Variants in NLRP13 observed in about 807,000 individuals in gnomAD.
The protein encoded by NLRP13 is NLR family pyrin domain containing 13, also known as NACHT, LRR and PYD domains-containing protein 13.
NLRP13 carries 82 observed loss-of-function variants against 94.4 expected under a neutral mutation model. The ratio of observed to expected loss-of-function variants is 0.87; its 90% CI spans 0.73 to 1.04. The LOEUF is 1.04. Ranked by LOEUF, NLRP13 falls within the 50% of genes least tolerant of loss-of-function variation. The pLI is 0.00. For synonymous variants in NLRP13, 553 were observed against 464.7 expected, an observed-to-expected ratio of 1.19 and a Z score of -2.45; for missense variants, 1,426 against 1,230.8, an observed-to-expected ratio of 1.16 and a Z score of -2.37.
chr19:55,895,884 G>A (rs1985993092), downstream of NLRP13: 2 of 1,542,340 alleles, frequency 1.3e-6, no homozygotes, highest in Admixed American at 1.9e-5. Context: ...ACATGCTCTA[G>A]AAGCCTAGTC....
At chr19:55,923,889 T>C (rs766194447) in intron 4 of NLRP13, 25 bp downstream of exon 4, 3 of 1,584,024 alleles carry the variant, frequency 1.9e-6, no homozygotes, top group Admixed American at 1.7e-5. Context: ...ACCTGTCCAT[T>C]ATCAACATAA....
intron 1 of NLRP13, among the ~76,000 whole-genome samples, chr19:55,928,130 A>G (rs1023872435): frequency 1.3e-5 from 2 of 152,158 alleles, no homozygotes; most frequent in African/African-American, 2.4e-5. Context: ...CTTGAGAGGT[A>G]TCTTCCCCAT....
chr19:55,932,112 T>A lies in NLRP13; in HGVS notation c.200A>T (p.Asn67Ile). The stretch of plus-strand genomic sequence containing the variant: ...GTGTTCATCCAAAAGAAAGGACAGA[T>A]TCAAAGGGTCGGCAGCTCTCAAGTT... ...WANLRAADPL[N>I]LSFLLDEHFP... The change falls in exon 1 of 11, where the codon AAT becomes ATT. Residue 67 changes from asparagine (N) to isoleucine (I), a missense_variant. Physicochemically the swap from Asn to Ile is moderately radical, Grantham distance 149. Coordinates refer to ENST00000342929, the MANE Select transcript of NLRP13 (RefSeq NM_176810.2). 6.2e-7 allele frequency: 1 copy of A among 1,614,138 alleles called. No individual in the cohort carries two copies. The highest frequency in any genetic ancestry group is 8.5e-7 in the Non-Finnish European group (1 of 1,180,008).
chr19:55,931,292 G>A (rs1298785591), intron 1 of NLRP13, among the ~76,000 whole-genome samples: 4 of 152,028 alleles, frequency 2.6e-5, no homozygotes, highest in South Asian at 2.1e-4. Flanking sequence ...GGGGCAGGGC[G>A]GGGGTTGTTG....
chr19:55,898,623 G>C, intron 10 of NLRP13, 147 bp downstream of exon 10: 1 of 812,922 alleles, frequency 1.2e-6, no homozygotes, highest in Non-Finnish European at 1.8e-6. Context: ...GGGGTTACGG[G>C]CGTGAGCCAC....
At chr19:55,896,518 CAAAA>C (rs776309030) in intron 10 of NLRP13, among the ~76,000 whole-genome samples, 1 of 90,156 alleles carries the variant, frequency 1.1e-5, no homozygotes. Context: ...GATTCTGTCT[CAAAA>C]AAAAAAAAAA....
At chr19:55,922,336 G>T (rs1986852392) in intron 4 of NLRP13, among the ~76,000 whole-genome samples, 1 of 151,610 alleles carries the variant, frequency 6.6e-6, no homozygotes, top group Admixed American at 6.6e-5. Context: ...TTTTTTGTTT[G>T]TTTGTTTTTT....
intron 4 of NLRP13, among the ~76,000 whole-genome samples, chr19:55,915,468 C>T (rs1052631701): frequency 3.9e-4 from 59 of 152,060 alleles, no homozygotes; most frequent in Admixed American, 2.9e-3. Flanking sequence ...CATGGTGGCA[C>T]GCGCCTGTAA....
intron 4 of NLRP13, among the ~76,000 whole-genome samples, chr19:55,914,681 TCA>T (rs1009237224): frequency 2.2e-4 from 33 of 152,324 alleles, no homozygotes; most frequent in Non-Finnish European, 3.2e-4. Context: ...CTGACTTATC[TCA>T]CTTACCATAA....
intron 4 of NLRP13, among the ~76,000 whole-genome samples, chr19:55,917,066 G>GT (rs1028094418): frequency 5.9e-5 from 9 of 152,208 alleles, no homozygotes; most frequent in South Asian, 2.1e-4. Flanking sequence ...AATTTCAAAG[G>GT]TTTTTTGTTT....
Position 55,905,037 on chromosome 19 carries a change from A to G in NLRP13, c.2523T>C (p.Thr841=). The change falls in exon 8 of 11, where the codon ACT becomes ACC. Residue 841 remains threonine, a synonymous_variant. Transcript: ENST00000342929. ...ALFLTSIQHV[T]RLCLGFNRLQ... ...GCCGATTAAATCCCAGGCACAATCGAGTTACGTGTTGGATGCTGGTGAGAA... is the reference window on the plus strand; with the variant it reads ...GCCGATTAAATCCCAGGCACAATCGGGTTACGTGTTGGATGCTGGTGAGAA... 6.2e-7 allele frequency: 1 copy of G among 1,613,716 alleles called. No homozygotes were observed. The highest frequency in any genetic ancestry group is 1.3e-5 in the African/African-American group (1 of 74,852).
chr19:55,916,090 A>T (rs1166462353), intron 4 of NLRP13, among the ~76,000 whole-genome samples: 1 of 152,184 alleles, frequency 6.6e-6, no homozygotes, highest in Non-Finnish European at 1.5e-5. Flanking sequence ...CTAAAACCAC[A>T]TTTAGAAAGC....
chr19:55,928,684 G>T (rs982688922), intron 1 of NLRP13, among the ~76,000 whole-genome samples: 1 of 152,124 alleles, frequency 6.6e-6, no homozygotes, highest in Non-Finnish European at 1.5e-5. Flanking sequence ...TATTCAGTTG[G>T]AAACAGAATT....
rs771430769 is a variant in NLRP13 at position 55,905,091 on chromosome 19, C to G, written c.2469G>C (p.Ser823=). Residue 823 remains serine, a synonymous_variant, in exon 8 of 11, where the codon TCG becomes TCC. Transcript: ENST00000342929. The stretch of plus-strand genomic sequence containing the variant: ...AGGCTAGGTCCTGACAGCTGGCTGC[C>G]GACAAGTTGCATTTCTCCAGGCTGT... ...KYLCLEKCNL[S]AASCQDLALF... 10 of 1,613,514 alleles carry G rather than the reference C, an allele frequency of 6.2e-6. No homozygotes were observed. The highest frequency in any genetic ancestry group is 1.3e-5 in the African/African-American group (1 of 74,786).
rs770624931 is a variant in NLRP13, at chr19:55,911,707, C to G, written c.2110G>C (p.Glu704Gln). 8.8e-6 allele frequency: 14 copies of G among 1,591,776 alleles called. No individual in the cohort carries two copies. Among genetic ancestry groups the G allele is most frequent in the Middle Eastern group, 1.7e-4 (1 of 5,928 alleles). Residue 704 changes from glutamate to glutamine, a missense_variant and splice_region_variant, in exon 5 of 11, where the codon GAG becomes CAG. Coordinates refer to ENST00000342929, the MANE Select transcript of NLRP13 (RefSeq NM_176810.2). The part of the protein sequence containing the change: ...HILERDLEIL[E>Q]TSKFDSRMHA... The stretch of plus-strand genomic sequence containing the variant: ...AAAGAAATGGTTTGTAATACTCACT[C>G]CAGAATTTCCAAGTCCCTTTCAAGG...
At position 55,912,112 on chromosome 19, in the gene NLRP13, A is replaced by T; in HGVS notation, c.1705T>A (p.Leu569Ile). 4 of 1,614,202 alleles carry T rather than the reference A, an allele frequency of 2.5e-6. No individual in the cohort carries two copies. Among genetic ancestry groups the T allele is most frequent in the Non-Finnish European group, 3.4e-6 (4 of 1,180,024 alleles). ...TTGTCAAGCAAGACGTGTTGCAGTA[A>T]CATCTTCATCTCTTGTGGCTTTGTG... is the stretch of plus-strand genomic sequence containing the variant. ...HSTKPQEMKM[L>I]LQHVLLDKEA... Residue 569 changes from leucine (L) to isoleucine (I), a missense_variant, in exon 5 of 11, where the codon TTA becomes ATA. By Grantham distance (5) the Leu-to-Ile change is conservative (BLOSUM62 2). Transcript: ENST00000342929.
rs775175006 is a variant in NLRP13, at chr19:55,913,115, C to G, written c.702G>C (p.Val234=). 6.2e-7 allele frequency: 1 copy of G among 1,614,184 alleles called. No individual in the cohort carries two copies. The highest frequency in any genetic ancestry group is 8.5e-7 in the Non-Finnish European group (1 of 1,180,034). Residue 234 remains valine, a synonymous_variant, in exon 5 of 11, where the codon GTG becomes GTC. Transcript: ENST00000342929. The stretch of plus-strand genomic sequence containing the variant: ...TGGTCTTCCCAACCCCTGCCCTCCC[C>G]ACCAAGACTATCGTCTGGGCCTGGG... ...TRAQAQTIVL[V]GRAGVGKTTL... is the part of the protein sequence containing the mutation.
At chr19:55,894,832 C>T (rs976009358), downstream of NLRP13, among the ~76,000 whole-genome samples, 6 of 152,088 alleles carry the variant, frequency 3.9e-5, no homozygotes, top group South Asian at 4.1e-4. Flanking sequence ...TGGAGTGACA[C>T]GTACAGTAGG....
At position 55,912,663 on chromosome 19, in the gene NLRP13, C is replaced by A. The variant is rs563005329; in HGVS notation, c.1154G>T (p.Gly385Val). 2 of 1,614,180 alleles carry A rather than the reference C, an allele frequency of 1.2e-6. No homozygotes were observed. Among genetic ancestry groups the A allele is most frequent in the Non-Finnish European group, 1.7e-6 (2 of 1,180,036 alleles). Residue 385 changes from glycine to valine, a missense_variant, in exon 5 of 11, where the codon GGG becomes GTG. Transcript: ENST00000342929. ...LVNPCFVQIT[G>V]FTGDDLRVYF... ...TACCCGTAGGTCGTCCCCTGTGAAC[C>A]CTGTAATTTGTACAAAGCATGGATT... is the stretch of plus-strand genomic sequence containing the variant.
Sources: gnomAD v4.1 joint callset for allele counts (sites outside exome capture counted in the v4.1 genomes callset) on GRCh38, gnomAD v4.1.1 for gene constraint, MANE v1.5 for transcripts, NCBI Gene and HGNC (gene_info 2026-07-23, HGNC 2026-07-21) for gene names.